Variants in CNTN6 observed in about 807,000 individuals in gnomAD.
The protein encoded by CNTN6 is contactin-6.
Under a neutral mutation model 122.8 loss-of-function variants are expected in CNTN6, and 137 were observed. The ratio of observed to expected loss-of-function variants is 1.12; its 90% CI spans 0.97 to 1.29. The LOEUF (loss-of-function observed/expected upper bound fraction) is 1.29, where lower values mean the gene tolerates loss of function less well. Ranked by LOEUF, CNTN6 falls within the 50% of genes most tolerant of loss-of-function variation. CNTN6 has a pLI of 0.00. For synonymous variants in CNTN6, 570 were observed against 426.0 expected, an observed-to-expected ratio of 1.34 and a Z score of -4.16; for missense variants, 1,634 against 1,223.4, an observed-to-expected ratio of 1.34 and a Z score of -5.01.
At chr3:1,132,600 T>G (rs1163014467) in intron 1 of CNTN6, among the ~76,000 whole-genome samples, 2 of 151,616 alleles carry the variant, frequency 1.3e-5, no homozygotes, top group Non-Finnish European at 2.9e-5. Flanking sequence ...AAGGTTGCAG[T>G]GAGCTGTGAT....
chr3:1,240,850 C>A (rs1266236734), intron 4 of CNTN6, among the ~76,000 whole-genome samples: 1 of 152,020 alleles, frequency 6.6e-6, no homozygotes, highest in Non-Finnish European at 1.5e-5. Context: ...TGCAGGCGGG[C>A]TGAGTCTGAA....
At chr3:1,257,449 T>G (rs1024296966) in intron 4 of CNTN6, among the ~76,000 whole-genome samples, 5 of 152,110 alleles carry the variant, frequency 3.3e-5, no homozygotes, top group Non-Finnish European at 5.9e-5. Context: ...CTATTTTTGG[T>G]CAGCACTCTT....
intron 5 of CNTN6, among the ~76,000 whole-genome samples, chr3:1,280,820 C>T (rs959473707): frequency 3.3e-5 from 5 of 152,106 alleles, no homozygotes; most frequent in South Asian, 4.1e-4. Context: ...GCATATTTGT[C>T]GGCTGAATCA....
chr3:1,208,180 G>T (rs2093983851), intron 2 of CNTN6, among the ~76,000 whole-genome samples: 2 of 151,870 alleles, frequency 1.3e-5, no homozygotes, highest in Middle Eastern at 3.2e-3. Flanking sequence ...TCATAATCTT[G>T]CTTAAAACTG....
At chr3:1,310,502 C>G (rs527298529) in intron 7 of CNTN6, among the ~76,000 whole-genome samples, 2 of 152,098 alleles carry the variant, frequency 1.3e-5, no homozygotes, top group Admixed American at 1.3e-4. Flanking sequence ...TTAATTGTTG[C>G]TGGACACAAT....
chr3:1,286,176 G>C (rs961213479), intron 5 of CNTN6, among the ~76,000 whole-genome samples: 75 of 152,186 alleles, frequency 4.9e-4, no homozygotes, highest in African/African-American at 1.8e-3. Context: ...AGATGTTGGG[G>C]AGATAGGAAG....
At chr3:1,385,357 T>A (rs1692711704) in intron 19 of CNTN6, among the ~76,000 whole-genome samples, 1 of 146,542 alleles carries the variant, frequency 6.8e-6, no homozygotes, top group African/African-American at 2.8e-5. Context: ...CATAAAATAC[T>A]TTATTTTGGT....
chr3:1,285,415 G>A (rs1303821795), intron 5 of CNTN6, among the ~76,000 whole-genome samples: 2 of 152,036 alleles, frequency 1.3e-5, no homozygotes, highest in African/African-American at 2.4e-5. Flanking sequence ...TAGATACAAG[G>A]GTGAAAGTTT....
chr3:1,317,551 C>T (rs190088933), intron 7 of CNTN6, among the ~76,000 whole-genome samples: 1 of 151,874 alleles, frequency 6.6e-6, no homozygotes, highest in East Asian at 1.9e-4. Flanking sequence ...AGTTTCTTTC[C>T]TCTGTGTTAG....
rs116785715 is a variant in CNTN6, at chr3:1,136,931, G to A, written c.-82-10996G>A. On this transcript the variant is annotated intron_variant, in intron 1 of 22. Transcript: ENST00000446702. ...ATTGTATACCTCTTATTTGACTGCC[G>A]TGAAGATGAAATGAGGCAGTGCATG... is the stretch of plus-strand genomic sequence containing the variant. Among the ~76,000 whole-genome samples, 173 of 152,228 alleles carry A rather than the reference G, an allele frequency of 1.1e-3. 1 individual carries two copies. Among genetic ancestry groups the A allele is most frequent in the Non-Finnish European group, 1.6e-3 (106 of 68,026 alleles).
At chr3:1,111,920 A>G (rs545652190) in intron 1 of CNTN6, among the ~76,000 whole-genome samples, 12 of 152,194 alleles carry the variant, frequency 7.9e-5, no homozygotes, top group Admixed American at 7.2e-4. Flanking sequence ...CCTCTAATAT[A>G]TACATATTAT....
intron 1 of CNTN6, among the ~76,000 whole-genome samples, chr3:1,098,269 GAA>G (rs1233062107): frequency 6.6e-6 from 1 of 151,748 alleles, no homozygotes; most frequent in African/African-American, 2.4e-5. Flanking sequence ...AAAAAAAAGA[GAA>G]AGGGTATATT....
At chr3:1,096,294 T>C (rs2090524126) in intron 1 of CNTN6, among the ~76,000 whole-genome samples, 1 of 152,022 alleles carries the variant, frequency 6.6e-6, no homozygotes, top group Non-Finnish European at 1.5e-5. Context: ...TGTTTGCTTT[T>C]ACAGAATATT....
rs547809771 is a variant in CNTN6 at position 1,168,836 on chromosome 3, C to T, written c.55+20773C>T. ...AGCAAAAAAAGGGACATTCTAGAAG[C>T]ATCTGGTCTAACAACAGTGATGCTA... On this transcript the variant is annotated intron_variant, in intron 2 of 22. Coordinates refer to ENST00000446702, the MANE Select transcript of CNTN6 (RefSeq NM_001289080.2). Among the ~76,000 whole-genome samples the T allele has an allele frequency of 9.2e-5, 14 of 152,304 alleles. No homozygotes were observed. The South Asian group carries it at 2.7e-3, about 29-fold the overall frequency.
intron 2 of CNTN6, among the ~76,000 whole-genome samples, chr3:1,187,478 C>T (rs1191869506): frequency 6.6e-6 from 1 of 152,138 alleles, no homozygotes; most frequent in Non-Finnish European, 1.5e-5. Context: ...GCTACAAAGG[C>T]TTCATTTCCT....
intron 4 of CNTN6, among the ~76,000 whole-genome samples, chr3:1,267,497 G>T (rs189120905): frequency 2.0e-5 from 3 of 152,200 alleles, no homozygotes; most frequent in African/African-American, 7.2e-5. Flanking sequence ...GAGGTCCCCG[G>T]CTCCTGTACC....
chr3:1,374,515 A>T (rs1336118726), intron 16 of CNTN6, among the ~76,000 whole-genome samples: 1 of 152,032 alleles, frequency 6.6e-6, no homozygotes, highest in African/African-American at 2.4e-5. Context: ...AGTAGTATAA[A>T]TTTTTTTCCA....
chr3:1,305,051 GAGA>G (rs1698133045), intron 7 of CNTN6, among the ~76,000 whole-genome samples: 1 of 149,162 alleles, frequency 6.7e-6, no homozygotes, highest in African/African-American at 2.5e-5. Context: ...GTGTTTTAAT[GAGA>G]AGAAAAAAGT....
intron 4 of CNTN6, among the ~76,000 whole-genome samples, chr3:1,255,417 GA>G (rs34880392): frequency 3.7e-4 from 47 of 127,510 alleles, no homozygotes; most frequent in South Asian, 8.0e-4. Context: ...TTTGAAAATG[GA>G]AAAAAAAAAA....
Sources: gnomAD v4.1 joint callset for allele counts (sites outside exome capture counted in the v4.1 genomes callset) on GRCh38, gnomAD v4.1.1 for gene constraint, MANE v1.5 for transcripts, NCBI Gene and HGNC (gene_info 2026-07-23, HGNC 2026-07-21) for gene names.